Variants in DST observed in about 807,000 individuals in gnomAD.
The protein encoded by DST is bullous pemphigoid antigen.
In DST, 253 loss-of-function variants were observed where a neutral mutation model predicts 875.2. The observed-to-expected ratio is 0.29, with a 90% CI of 0.26 to 0.32. The LOEUF (loss-of-function observed/expected upper bound fraction) is 0.32. Among genes scored for constraint, DST ranks in the 10% least tolerant of loss-of-function variants. DST has a pLI of 1.00. For missense variants in DST, 8,287 were observed against 9,111.6 expected (o/e 0.91, Z 3.68); for synonymous variants, 3,124 against 3,197.1 (o/e 0.98, Z 0.77).
intron 9 of DST, among the ~76,000 whole-genome samples, chr6:56,697,734 T>C (rs370647916): frequency 6.6e-6 from 1 of 152,264 alleles, no homozygotes; most frequent in African/African-American, 2.4e-5. Flanking sequence ...CACCAGCTGG[T>C]GATGAAGTGA....
At position 56,593,841 on chromosome 6, in the gene DST, T is replaced by A. The variant is rs1462100722; in HGVS notation, c.12548A>T (p.Asp4183Val). ...CAAGTCACCTTTGTGAGAAATAACGTCTTCTGAGAAACTCTTCTGCCTCTT... is the reference window on the plus strand; with the variant it reads ...CAAGTCACCTTTGTGAGAAATAACGACTTCTGAGAAACTCTTCTGCCTCTT... ...KLKRQKSFSE[D>V]VISHKGDLRY... Residue 4183 changes from aspartate (D) to valine (V), a missense_variant, in exon 48 of 104, where the codon GAC becomes GTC. Asp to Val is a radical substitution (Grantham distance 152). This residue lies in a region of DST where 1,513 missense variants were observed against 1,677.8 expected (regional missense o/e 0.90). Coordinates refer to ENST00000680361, the MANE Select transcript of DST (RefSeq NM_001374736.1). 6.2e-7 allele frequency: 1 copy of A among 1,613,812 alleles called. No individual in the cohort carries two copies. Among genetic ancestry groups the A allele is most frequent in the Non-Finnish European group, 8.5e-7 (1 of 1,179,878 alleles).
At chr6:56,886,243 A>C (rs1784622337) in intron 3 of DST, among the ~76,000 whole-genome samples, 1 of 152,194 alleles carries the variant, frequency 6.6e-6, no homozygotes, top group Non-Finnish European at 1.5e-5. Context: ...ATAAAGACTA[A>C]ATAAACATAG....
chr6:56,538,814 C>T (rs112163521), intron 61 of DST, among the ~76,000 whole-genome samples: 1 of 151,876 alleles, frequency 6.6e-6, no homozygotes, highest in African/African-American at 2.4e-5. Context: ...TGAGATTCAC[C>T]CAAATCATTG....
chr6:56,870,259 A>G (rs1185117421), intron 3 of DST, among the ~76,000 whole-genome samples: 1 of 152,172 alleles, frequency 6.6e-6, no homozygotes, highest in Non-Finnish European at 1.5e-5. Flanking sequence ...AATGCTAATT[A>G]GGCAAAAACA....
chr6:56,572,917 T>C lies in DST; in HGVS notation c.13384A>G (p.Ser4462Gly). ...KDLSARFSEASHKHKETLAKM... is the reference protein window; with the variant it reads ...KDLSARFSEAGHKHKETLAKM... ...GCAAGAGTTTCTTTGTGTTTATGAC[T>C]TGCTTCTGAAAACCGAGCAGACAAG... is the stretch of plus-strand genomic sequence containing the variant. The change falls in exon 52 of 104, where the codon AGT (serine) becomes GGT (glycine). Residue 4462 changes from serine (S) to glycine (G), a missense_variant. Physicochemically the swap from Ser to Gly is moderately conservative, Grantham distance 56 (BLOSUM62 0). Around this residue, in one of 10 missense-constraint regions of DST, gnomAD observed 1,513 missense variants for 1,677.8 expected, o/e 0.90. Transcript: ENST00000680361. 1 of 1,613,444 alleles carries C rather than the reference T, an allele frequency of 6.2e-7. No individual in the cohort carries two copies. Among genetic ancestry groups the C allele is most frequent in the Non-Finnish European group, 8.5e-7 (1 of 1,179,698 alleles).
chr6:56,776,191 C>T (rs1320176936), intron 4 of DST, among the ~76,000 whole-genome samples: 1 of 152,174 alleles, frequency 6.6e-6, no homozygotes, highest in Admixed American at 6.5e-5. Context: ...GGAAAAACAT[C>T]AGATAAACCC....
In DST at chr6:56,458,104, C is replaced by T. The variant is rs1373904232; in HGVS notation, c.*901G>A. On this transcript the variant is annotated 3_prime_UTR_variant, in exon 104 of 104. Coordinates refer to ENST00000680361, the MANE Select transcript of DST (RefSeq NM_001374736.1). ...TTATTAAATATAGATAGATATAATACCAGAACATGATTATTTCAGATGAGA... is the reference window on the plus strand; with the variant it reads ...TTATTAAATATAGATAGATATAATATCAGAACATGATTATTTCAGATGAGA... 1 of 152,032 alleles carries T rather than the reference C, an allele frequency of 6.6e-6. No individual in the cohort carries two copies. Among genetic ancestry groups the T allele is most frequent in the Non-Finnish European group, 1.5e-5 (1 of 67,920 alleles). 9.4% of individuals were successfully genotyped at this position (152,032 alleles called of 1,614,324 possible). A position where few individuals can be genotyped will look rare whatever the true frequency, so the allele number is the denominator to read the frequency against.
At chr6:56,525,464 T>C (rs1412316785) in intron 69 of DST, among the ~76,000 whole-genome samples, 1 of 152,154 alleles carries the variant, frequency 6.6e-6, no homozygotes, top group Admixed American at 6.5e-5. Context: ...GAGCAGAACA[T>C]TATGCTTTAG....
chr6:56,797,208 T>TA lies in DST; in HGVS notation c.625+54188dup, dbSNP rs569988332. On this transcript the variant is annotated intron_variant, in intron 4 of 103. Transcript: ENST00000680361. ...TTTGGGGCACCACAAGCCACAACCA[T>TA]ATAAGACAGTAAACTTAATCAAGAA... Among the ~76,000 whole-genome samples the TA allele has an allele frequency of 3.7e-4, 56 of 152,310 alleles. No homozygotes were observed. The East Asian group carries it at 0.01, about 28-fold the overall frequency.
chr6:56,883,052 GAGA>G (rs1782966215), intron 3 of DST, among the ~76,000 whole-genome samples: 4 of 152,290 alleles, frequency 2.6e-5, no homozygotes, highest in Non-Finnish European at 1.5e-5. Context: ...ATTTTTAGTA[GAGA>G]TGGGGTTTCA....
chr6:56,506,341 C>T (rs1583406612), intron 77 of DST, 102 bp downstream of exon 77: 5 of 873,484 alleles, frequency 5.7e-6, no homozygotes, highest in Middle Eastern at 5.1e-4. Context: ...CCCACAATTG[C>T]ATATGCACTG....
chr6:56,775,718 A>C (rs891876192), intron 4 of DST, among the ~76,000 whole-genome samples: 1 of 152,236 alleles, frequency 6.6e-6, no homozygotes, highest in South Asian at 2.1e-4. Flanking sequence ...AGCAAACCTG[A>C]AAGAGCTCCC....
intron 55 of DST, among the ~76,000 whole-genome samples, chr6:56,564,557 C>T (rs1172718086): frequency 2.6e-5 from 4 of 152,154 alleles, no homozygotes; most frequent in African/African-American, 9.7e-5. Context: ...GTCTGAATAT[C>T]CTTTATTACT....
intron 55 of DST, among the ~76,000 whole-genome samples, chr6:56,566,941 T>C (rs910861046): frequency 6.6e-6 from 1 of 152,234 alleles, no homozygotes; most frequent in African/African-American, 2.4e-5. Flanking sequence ...GCATGGTGGT[T>C]AGGAGTACCT....
intron 5 of DST, among the ~76,000 whole-genome samples, chr6:56,708,858 T>A (rs17684553): frequency 6.6e-6 from 1 of 152,132 alleles, no homozygotes; most frequent in Non-Finnish European, 1.5e-5. Context: ...TATTTTACCC[T>A]AGGAGTGAGT....
Position 56,604,298 on chromosome 6 carries a change from G to T in DST, c.10330C>A (p.Leu3444Ile), listed in dbSNP as rs779791646. Residue 3444 changes from leucine to isoleucine, a missense_variant, in exon 40 of 104, where the codon CTT (leucine) becomes ATT (isoleucine). Leu to Ile is a conservative substitution (Grantham distance 5). Around this residue, in one of 10 missense-constraint regions of DST, gnomAD observed 3,138 missense variants for 3,116.6 expected, o/e 1.01. Coordinates refer to ENST00000680361, the MANE Select transcript of DST (RefSeq NM_001374736.1). The part of the protein sequence containing the change: ...PFCIGNLKSE[L>I]LLNILKQDQH... Reference sequence around the variant, plus strand: ...TCTTGCTTCAATATATTAAGGAGAAGCTCAGACTTAAGATTTCCAATACAG... The same window carrying T: ...TCTTGCTTCAATATATTAAGGAGAATCTCAGACTTAAGATTTCCAATACAG... The T allele has an allele frequency of 2.5e-6, 4 of 1,612,208 alleles. No individual in the cohort carries two copies. The highest frequency in any genetic ancestry group is 3.3e-4 in the Middle Eastern group (2 of 6,044).
chr6:56,884,413 G>A (rs1783660415), intron 3 of DST, among the ~76,000 whole-genome samples: 1 of 152,080 alleles, frequency 6.6e-6, no homozygotes, highest in African/African-American at 2.4e-5. Flanking sequence ...TGTATTTTAT[G>A]TAAATCTATA....
rs760271139 is a variant in DST at position 56,634,586 on chromosome 6, A to C, written c.3370T>G (p.Leu1124Val). 1.9e-6 allele frequency: 3 copies of C among 1,614,220 alleles called. No homozygotes were observed. Among genetic ancestry groups the C allele is most frequent in the Admixed American group, 3.3e-5 (2 of 60,020 alleles). The change falls in exon 26 of 104, where the codon TTG (leucine) becomes GTG (valine). Residue 1124 changes from leucine (L) to valine (V), a missense_variant. Around this residue, in one of 10 missense-constraint regions of DST, gnomAD observed 1,160 missense variants for 1,424.3 expected, o/e 0.81. Coordinates refer to ENST00000680361, the MANE Select transcript of DST (RefSeq NM_001374736.1). ...ITIYKDDECV[L>V]ANNSHRAKWK... The stretch of plus-strand genomic sequence containing the variant: ...TTAGCACGATGAGAGTTATTCGCCA[A>C]AACACATTCATCGTCTTTGTAAATG...
intron 9 of DST, among the ~76,000 whole-genome samples, chr6:56,677,145 TTAAATA>T (rs1417748275): frequency 6.6e-6 from 1 of 152,152 alleles, no homozygotes; most frequent in Non-Finnish European, 1.5e-5. Context: ...TTAAAAAAAC[TTAAATA>T]TAATAACATC....
Sources: gnomAD v4.1 joint callset for allele counts (sites outside exome capture counted in the v4.1 genomes callset) on GRCh38, gnomAD v4.1.1 for gene constraint, gnomAD v4.1.1 regional missense constraint, MANE v1.5 for transcripts, NCBI Gene and HGNC (gene_info 2026-07-23, HGNC 2026-07-21) for gene names.